Variants in FNDC3B observed in about 807,000 individuals in gnomAD.
The protein encoded by FNDC3B is fibronectin type III domain containing 3B.
In FNDC3B, 12 loss-of-function variants were observed where a neutral mutation model predicts 151.5. That is an observed-to-expected ratio of 0.08 (90% CI 0.05 to 0.13). FNDC3B has a LOEUF of 0.13. FNDC3B is among the 10% of genes least tolerant of loss of function. The pLI is 1.00. For synonymous variants in FNDC3B, 528 were observed against 549.0 expected (o/e 0.96, Z 0.54); for missense variants, 1,214 against 1,505.3 (o/e 0.81, Z 3.20).
At chr3:172,123,968 C>A (rs1377704112) in intron 2 of FNDC3B, among the ~76,000 whole-genome samples, 2 of 152,190 alleles carry the variant, frequency 1.3e-5, no homozygotes, top group Admixed American at 6.5e-5. Context: ...GAGACATTAT[C>A]CTTTCATAGA....
chr3:172,392,691 A>G (rs575795998), intron 25 of FNDC3B, among the ~76,000 whole-genome samples: 2 of 152,238 alleles, frequency 1.3e-5, no homozygotes, highest in South Asian at 4.1e-4. Context: ...TGTTTTAGGC[A>G]AAGGTGAGTT....
intron 3 of FNDC3B, among the ~76,000 whole-genome samples, chr3:172,156,537 C>T (rs1173478850): frequency 1.3e-5 from 2 of 152,196 alleles, no homozygotes; most frequent in South Asian, 2.1e-4. Flanking sequence ...CAGGAATTTC[C>T]GTTGCGTTGC....
chr3:172,076,000 T>C (rs1717991634), intron 1 of FNDC3B, among the ~76,000 whole-genome samples: 1 of 152,156 alleles, frequency 6.6e-6, no homozygotes, highest in South Asian at 2.1e-4. Context: ...AACTCAACTA[T>C]GGTTAGCTTG....
chr3:172,052,744 A>G (rs1292667827), intron 1 of FNDC3B, among the ~76,000 whole-genome samples: 2 of 152,084 alleles, frequency 1.3e-5, no homozygotes, highest in Non-Finnish European at 2.9e-5. Flanking sequence ...ATGATCAGAC[A>G]AGTTTGGGGA....
At chr3:172,170,466 GTATTGA>G (rs1723230758) in intron 3 of FNDC3B, among the ~76,000 whole-genome samples, 2 of 152,360 alleles carry the variant, frequency 1.3e-5, no homozygotes, top group South Asian at 4.1e-4. Flanking sequence ...TGCAAGCAAT[GTATTGA>G]TTGTAAATGA....
rs965061666 is a variant in FNDC3B, at chr3:172,263,612, G to A, written c.790+12071G>A. On this transcript the variant is annotated intron_variant, in intron 6 of 25. Coordinates refer to ENST00000415807, the MANE Select transcript of FNDC3B (RefSeq NM_022763.4). ...TTTTTTTTTTTTTTTTTTTTTTTTT[G>A]ACACACTGACAGCATTCGTATTATT... Among the ~76,000 whole-genome samples the A allele has an allele frequency of 9.2e-3, 405 of 44,202 alleles. 4 individuals are homozygous for A. The highest frequency in any genetic ancestry group is 0.035 in the African/African-American group (389 of 10,996). The allele number at this position is 44,202 out of a possible 152,430, so 29.0% of individuals were successfully genotyped here. A position where few individuals can be genotyped will look rare whatever the true frequency, so the allele number is the denominator to read the frequency against.
intron 3 of FNDC3B, among the ~76,000 whole-genome samples, chr3:172,223,385 C>A (rs1203837902): frequency 6.6e-6 from 1 of 152,110 alleles, no homozygotes; most frequent in Non-Finnish European, 1.5e-5. Flanking sequence ...TTTAAATGTC[C>A]TTTGAAATAG....
chr3:172,255,078 C>T (rs889190739), intron 6 of FNDC3B, among the ~76,000 whole-genome samples: 1 of 152,172 alleles, frequency 6.6e-6, no homozygotes, highest in African/African-American at 2.4e-5. Flanking sequence ...AGATAGCTGC[C>T]TCTCAAAGTA....
At position 172,337,330 on chromosome 3, in the gene FNDC3B, A is replaced by C. The variant is rs762130237; in HGVS notation, c.1781A>C (p.Asp594Ala). 1.9e-6 allele frequency: 3 copies of C among 1,597,036 alleles called. No homozygotes were observed. The South Asian group carries it at 3.4e-5, about 18-fold the overall frequency. ...VTSHGFSVKW[D>A]PPKDNGGSEI... ...AATAAGACATTTGGTTATTTTCCAG[A>C]TCCCCCTAAGGACAATGGTGGTTCA... The change falls in exon 16 of 26, where the codon GAT becomes GCT. Residue 594 changes from aspartate (D) to alanine (A), a missense_variant and splice_region_variant. This residue lies in a region of FNDC3B where 380 missense variants were observed against 420.9 expected (regional missense o/e 0.90). Coordinates refer to ENST00000415807, the MANE Select transcript of FNDC3B (RefSeq NM_022763.4).
At chr3:172,134,413 G>C in intron 3 of FNDC3B, 1 of 518,128 alleles carries the variant, frequency 1.9e-6, no homozygotes, top group Non-Finnish European at 3.9e-6. Flanking sequence ...TGGGATTATG[G>C]GGCAAATGGT....
chr3:172,259,426 G>A (rs75007543), intron 6 of FNDC3B, among the ~76,000 whole-genome samples: 11 of 152,288 alleles, frequency 7.2e-5, no homozygotes, highest in African/African-American at 2.6e-4. Context: ...GAGCGCACTT[G>A]AACGCCTTGC....
At chr3:172,122,074 A>C (rs932036456) in intron 2 of FNDC3B, among the ~76,000 whole-genome samples, 2 of 152,258 alleles carry the variant, frequency 1.3e-5, no homozygotes, top group African/African-American at 4.8e-5. Context: ...GAATGTGTTA[A>C]GACGAGACAC....
At chr3:172,162,952 A>G (rs1419651272) in intron 3 of FNDC3B, among the ~76,000 whole-genome samples, 1 of 152,220 alleles carries the variant, frequency 6.6e-6, no homozygotes, top group East Asian at 1.9e-4. Flanking sequence ...TCACACATAC[A>G]TAAGAATGCA....
At chr3:172,317,110 C>T in intron 11 of FNDC3B, 2 of 445,324 alleles carry the variant, frequency 4.5e-6, no homozygotes, top group East Asian at 7.0e-5. Flanking sequence ...CCCTTGTGAC[C>T]TAATCACCTT....
chr3:172,184,248 A>G (rs1440417965), intron 3 of FNDC3B: 1 of 152,166 alleles, frequency 6.6e-6, no homozygotes, highest in Admixed American at 6.5e-5. Flanking sequence ...TACTCAGCTC[A>G]TATTAATGAG....
Position 172,247,443 on chromosome 3 carries a change from A to G in FNDC3B, c.265-90A>G, listed in dbSNP as rs373736248. On this transcript the variant is annotated intron_variant, in intron 4 of 25. Transcript: ENST00000415807. Reference sequence around the variant, plus strand: ...TGTTTTTTTCTATGGTGGAAGAGAAAAGTAAAATTAAAGTGGAAGTTATTA... The same window carrying G: ...TGTTTTTTTCTATGGTGGAAGAGAAGAGTAAAATTAAAGTGGAAGTTATTA... 450 of 1,395,644 alleles carry G rather than the reference A, an allele frequency of 3.2e-4. 1 individual carries two copies. The African/African-American group carries it at 5.2e-3, about 16-fold the overall frequency. The allele number at this position is 1,395,644 out of a possible 1,614,324, so 86.5% of individuals were successfully genotyped here.
rs1304570513 is a variant in FNDC3B at position 172,338,896 on chromosome 3, CGG to C, written c.1852+1496_1852+1497del. Among the ~76,000 whole-genome samples the C allele has an allele frequency of 2.9e-4, 44 of 151,998 alleles. 1 individual carries two copies. In the East Asian group the frequency reaches 7.2e-3, roughly 25 times the overall value. Reference sequence around the variant, plus strand: ...GGACTACAGACGCCCACCACTAGGCCGGCTAATTTTTTTTGAATTTTTAGTAG... The same window carrying C: ...GGACTACAGACGCCCACCACTAGGCCCTAATTTTTTTTGAATTTTTAGTAG... On this transcript the variant is annotated intron_variant, in intron 16 of 25. Transcript: ENST00000415807.
chr3:172,330,617 G>T lies in FNDC3B; in HGVS notation c.1456G>T (p.Ala486Ser). Residue 486 changes from alanine to serine, a missense_variant, in exon 13 of 26, where the codon GCT (alanine) becomes TCT (serine). Coordinates refer to ENST00000415807, the MANE Select transcript of FNDC3B (RefSeq NM_022763.4). ...GCCTTCTGCACCAAGGCTGGTTCGAGCTGGCATCACATGGGTCACGTTGCA... is the reference window on the plus strand; with the variant it reads ...GCCTTCTGCACCAAGGCTGGTTCGATCTGGCATCACATGGGTCACGTTGCA... Reference protein sequence around the residue: ...QMPSAPRLVRAGITWVTLQWS... With the variant: ...QMPSAPRLVRSGITWVTLQWS... 3 of 1,614,208 alleles carry T rather than the reference G, an allele frequency of 1.9e-6. No individual in the cohort carries two copies. Among genetic ancestry groups the T allele is most frequent in the Non-Finnish European group, 2.5e-6 (3 of 1,180,012 alleles).
intron 6 of FNDC3B, among the ~76,000 whole-genome samples, chr3:172,261,339 ATT>A (rs758870260): frequency 5.9e-5 from 9 of 152,060 alleles, no homozygotes; most frequent in Non-Finnish European, 1.2e-4. Context: ...GTCAACATCG[ATT>A]TTGTCATTGC....
Sources: allele counts gnomAD v4.1 joint callset (sites outside exome capture counted in the v4.1 genomes callset), GRCh38; gene constraint gnomAD v4.1.1; regional missense constraint gnomAD v4.1.1; transcripts MANE v1.5; gene names NCBI Gene and HGNC (gene_info 2026-07-23, HGNC 2026-07-21).